PKP4: variants seen among roughly 807,000 people sequenced by gnomAD.
The protein encoded by PKP4 is plakophilin 4.
Under a neutral mutation model 145.1 loss-of-function variants are expected in PKP4, and 90 were observed. That is an observed-to-expected ratio of 0.62 (90% CI 0.52 to 0.74). The LOEUF is 0.74. Ranked by LOEUF, PKP4 falls within the 30% of genes least tolerant of loss-of-function variation. The pLI is 0.00. For missense variants in PKP4, 1,340 were observed against 1,482.7 expected (o/e 0.90, Z 1.58); for synonymous variants, 563 against 577.2 (o/e 0.98, Z 0.35).
intron 1 of PKP4, among the ~76,000 whole-genome samples, chr2:158,462,720 C>G (rs1316717071): frequency 6.6e-6 from 1 of 152,012 alleles, no homozygotes; most frequent in East Asian, 1.9e-4. Flanking sequence ...GATTAGCAGC[C>G]TTACTGTCAG....
In PKP4 at chr2:158,663,395, T is replaced by G; in HGVS notation, c.2527T>G (p.Leu843Val). 6.2e-7 allele frequency: 1 copy of G among 1,614,168 alleles called. No individual in the cohort carries two copies. Among genetic ancestry groups the G allele is most frequent in the Non-Finnish European group, 8.5e-7 (1 of 1,180,014 alleles). The change falls in exon 15 of 22, where the codon TTG becomes GTG. Residue 843 changes from leucine to valine, a missense_variant. Physicochemically the swap from Leu to Val is conservative, Grantham distance 32 (BLOSUM62 1). Transcript: ENST00000389759. ...AGCAGAAAGTTCCAACCCAGCCACC[T>G]TGGAAGGCTCTGCAGGGTCTCTCCA... ...LLAESSNPAT[L>V]EGSAGSLQNL...
At chr2:158,502,077 A>T (rs1436912198) in intron 1 of PKP4, among the ~76,000 whole-genome samples, 1 of 152,192 alleles carries the variant, frequency 6.6e-6, no homozygotes, top group African/African-American at 2.4e-5. Flanking sequence ...ATAGAGTATT[A>T]TGAAATCCAG....
At chr2:158,630,022 G>A (rs540831002) in intron 7 of PKP4, among the ~76,000 whole-genome samples, 3 of 152,268 alleles carry the variant, frequency 2.0e-5, no homozygotes, top group Admixed American at 6.5e-5. Flanking sequence ...ATGCGCCACC[G>A]TGCCTGGCCA....
intron 1 of PKP4, among the ~76,000 whole-genome samples, chr2:158,496,012 ACT>A (rs1695656780): frequency 6.6e-6 from 1 of 151,646 alleles, no homozygotes; most frequent in Non-Finnish European, 1.5e-5. Flanking sequence ...ATGGAGTCTC[ACT>A]CTGTCACCCA....
intron 2 of PKP4, among the ~76,000 whole-genome samples, chr2:158,556,047 G>C (rs920343299): frequency 6.6e-6 from 1 of 152,154 alleles, no homozygotes; most frequent in Non-Finnish European, 1.5e-5. Flanking sequence ...TTATGAATTA[G>C]AGCCAAGATT....
At position 158,676,805 on chromosome 2, in the gene PKP4, C is replaced by T. The variant is rs769388902; in HGVS notation, c.3194C>T (p.Thr1065Ile). ...IRDPRSEYDR[T>I]QPPMQYYNSQ... Reference sequence around the variant, plus strand: ...GACCCTCGCTCTGAATACGATAGGACCCAGCCACCTATGCAGTATTACAAT... The same window carrying T: ...GACCCTCGCTCTGAATACGATAGGATCCAGCCACCTATGCAGTATTACAAT... Residue 1065 changes from threonine to isoleucine, a missense_variant, in exon 20 of 22, where the codon ACC becomes ATC. Physicochemically the swap from Thr to Ile is moderately conservative, Grantham distance 89 (BLOSUM62 -1). Transcript: ENST00000389759. 3.1e-6 allele frequency: 5 copies of T among 1,613,976 alleles called. No individual in the cohort carries two copies. The African/African-American group carries it at 4.0e-5, about 13-fold the overall frequency.
chr2:158,526,005 CA>C (rs1164721458), intron 1 of PKP4, among the ~76,000 whole-genome samples: 1 of 151,058 alleles, frequency 6.6e-6, no homozygotes, highest in Non-Finnish European at 1.5e-5. Context: ...GTTTACCAAC[CA>C]AAAAGAGTCC....
Position 158,625,140 on chromosome 2 carries a change from G to C in PKP4, c.866G>C (p.Gly289Ala), listed in dbSNP as rs780757152. 4 of 1,614,058 alleles carry C rather than the reference G, an allele frequency of 2.5e-6. No homozygotes were observed. In the Admixed American group the frequency reaches 5.0e-5, roughly 20 times the overall value. The change falls in exon 7 of 22, where the codon GGG (glycine) becomes GCG (alanine). Residue 289 changes from glycine (G) to alanine (A), a missense_variant. Physicochemically the swap from Gly to Ala is moderately conservative, Grantham distance 60 (BLOSUM62 0). Coordinates refer to ENST00000389759, the MANE Select transcript of PKP4 (RefSeq NM_003628.6). ...TCCCCAACAGCTATACGGCGGATTG[G>C]GTCAGTCACCTCCCGGCAGACCTCC... ...PASPTAIRRI[G>A]SVTSRQTSNP... is the part of the protein sequence containing the mutation.
At chr2:158,599,489 T>G (rs1383202019) in intron 3 of PKP4, among the ~76,000 whole-genome samples, 1 of 152,122 alleles carries the variant, frequency 6.6e-6, no homozygotes, top group Admixed American at 6.5e-5. Context: ...AGGAGTCAGT[T>G]TAGAGGGAAA....
intron 1 of PKP4, among the ~76,000 whole-genome samples, chr2:158,479,316 C>T (rs912415025): frequency 6.6e-5 from 10 of 152,006 alleles, no homozygotes; most frequent in Admixed American, 4.6e-4. Flanking sequence ...CTCCACCTCC[C>T]GGGATTAAGC....
chr2:158,505,575 T>C (rs2040895660), intron 1 of PKP4, among the ~76,000 whole-genome samples: 1 of 151,948 alleles, frequency 6.6e-6, no homozygotes, highest in African/African-American at 2.4e-5. Context: ...CTCCTTGAGA[T>C]TGGGGTAGGG....
In PKP4 at chr2:158,669,712, G is replaced by A. The variant is rs368880777; in HGVS notation, c.2729-8G>A. The A allele has an allele frequency of 1.5e-4, 222 of 1,524,864 alleles. 1 individual carries two copies. In the South Asian group the frequency reaches 2.0e-3, roughly 14 times the overall value. 94.5% of individuals were successfully genotyped at this position (1,524,864 alleles called of 1,614,324 possible). A position where few individuals can be genotyped will look rare whatever the true frequency, so the allele number is the denominator to read the frequency against. On this transcript the variant is annotated splice_region_variant and splice_polypyrimidine_tract_variant and intron_variant, in intron 16 of 21. Transcript: ENST00000389759. Reference sequence around the variant, plus strand: ...TGGAAGTAGAATTTACTCTTTTGCCGTTGGCAGGCAAATACGCCATGCGAG... The same window carrying A: ...TGGAAGTAGAATTTACTCTTTTGCCATTGGCAGGCAAATACGCCATGCGAG...
rs1283524488 is a variant in PKP4, at chr2:158,621,413, C to T, written c.595C>T (p.Leu199=). 6.2e-7 allele frequency: 1 copy of T among 1,613,794 alleles called. No homozygotes were observed. Among genetic ancestry groups the T allele is most frequent in the Admixed American group, 1.7e-5 (1 of 60,014 alleles). Residue 199 remains leucine, a synonymous_variant, in exon 6 of 22, where the codon CTG becomes TTG. Transcript: ENST00000389759. ...GAATTCAAGAGCTGAAGGACAAACA[C>T]TGGTTCAGGTAAGCCAAACGCATCA... ...VRNSRAEGQT[L]VQPSVANRAM...
At chr2:158,618,813 C>T (rs937001605) in intron 4 of PKP4, among the ~76,000 whole-genome samples, 2 of 151,874 alleles carry the variant, frequency 1.3e-5, no homozygotes, top group African/African-American at 4.8e-5. Context: ...TTTTGGTTTC[C>T]ATGGTGAAAA....
chr2:158,509,110 C>A (rs2041266641), intron 1 of PKP4, among the ~76,000 whole-genome samples: 1 of 151,962 alleles, frequency 6.6e-6, no homozygotes, highest in Non-Finnish European at 1.5e-5. Context: ...CACAAAAATG[C>A]ATCTTGGGAA....
intron 17 of PKP4, among the ~76,000 whole-genome samples, chr2:158,672,349 G>C (rs1384932286): frequency 6.6e-6 from 1 of 152,224 alleles, no homozygotes; most frequent in African/African-American, 2.4e-5. Context: ...TCAGGTTTCT[G>C]CTCATGGAAT....
At chr2:158,597,704 G>A (rs2049876843) in intron 3 of PKP4, among the ~76,000 whole-genome samples, 1 of 152,122 alleles carries the variant, frequency 6.6e-6, no homozygotes, top group East Asian at 1.9e-4. Flanking sequence ...TTAATACTGA[G>A]TAAAATTTAA....
At chr2:158,631,731 G>A (rs896108965) in intron 7 of PKP4, 22 bp from the exon 8 acceptor site, 6 of 1,598,246 alleles carry the variant, frequency 3.8e-6, no homozygotes, top group Middle Eastern at 1.7e-4. Context: ...AGTTCTTAAC[G>A]ATGTAATTTT....
chr2:158,529,457 C>G (rs543685328), intron 1 of PKP4, among the ~76,000 whole-genome samples: 2 of 152,330 alleles, frequency 1.3e-5, no homozygotes, highest in South Asian at 4.1e-4. Flanking sequence ...TCCCTGTCCC[C>G]TTACCTGGAA....
Sources: allele counts gnomAD v4.1 joint callset (sites outside exome capture counted in the v4.1 genomes callset), GRCh38; gene constraint gnomAD v4.1.1; transcripts MANE v1.5; gene names NCBI Gene and HGNC (gene_info 2026-07-23, HGNC 2026-07-21).